ANO3: variants seen among roughly 807,000 people sequenced by gnomAD.
The protein encoded by ANO3 is anoctamin-3.
A neutral mutation model predicts 144.8 loss-of-function variants in ANO3; 99 were observed. The observed-to-expected ratio is 0.68, with a 90% CI of 0.58 to 0.81. ANO3 has a LOEUF of 0.81. Among genes scored for constraint, ANO3 ranks in the 30% least tolerant of loss-of-function variants. The pLI is 0.00. For synonymous variants in ANO3, 414 were observed against 392.6 expected (o/e 1.05, Z -0.64); for missense variants, 905 against 1,202.2 (o/e 0.75, Z 3.66).
chr11:26,438,840 A>C (rs545253393), intron 1 of ANO3, among the ~76,000 whole-genome samples: 54 of 152,104 alleles, frequency 3.6e-4, no homozygotes, highest in South Asian at 1.0e-3. Flanking sequence ...GTTGATCCTT[A>C]AATTTATATA....
At chr11:26,336,326 G>A in intron 1 of ANO3, among the ~76,000 whole-genome samples, 1 of 152,164 alleles carries the variant, frequency 6.6e-6, no homozygotes, top group East Asian at 1.9e-4. Context: ...TGTCCCAAAA[G>A]ACTTTGGCTT....
At chr11:26,407,070 G>GTATATATATATATATATATATA (rs202060948) in intron 1 of ANO3, among the ~76,000 whole-genome samples, 3 of 101,338 alleles carry the variant, frequency 3.0e-5, no homozygotes, top group Admixed American at 1.3e-4. Context: ...GTGTGTGTGT[G>GTATATATATATATATATATATA]TGTGTGTATA....
At chr11:26,568,864 G>A (rs978253865) in intron 14 of ANO3, among the ~76,000 whole-genome samples, 3 of 151,924 alleles carry the variant, frequency 2.0e-5, no homozygotes, top group Admixed American at 2.0e-4. Context: ...CAAACATAAT[G>A]CTCCTTTTCA....
chr11:26,285,109 A>T (rs1040912907), intron 1 of ANO3, among the ~76,000 whole-genome samples: 9 of 145,778 alleles, frequency 6.2e-5, no homozygotes, highest in African/African-American at 2.1e-4. Flanking sequence ...TTTTTTTTTT[A>T]ATTATGGTAA....
intron 14 of ANO3, among the ~76,000 whole-genome samples, chr11:26,567,305 C>T (rs1279733798): frequency 2.6e-5 from 4 of 151,688 alleles, no homozygotes; most frequent in African/African-American, 9.7e-5. Context: ...TGAATTGAAC[C>T]TTATTTTTCA....
chr11:26,415,056 A>ATGTGTGTGTGTG (rs149901742), intron 1 of ANO3, among the ~76,000 whole-genome samples: 47 of 145,568 alleles, frequency 3.2e-4, no homozygotes, highest in South Asian at 2.9e-3. Context: ...ATTGGTGTGT[A>ATGTGTGTGTGTG]TGTGTGTGTG....
chr11:26,493,749 C>A (rs901568028), intron 4 of ANO3, among the ~76,000 whole-genome samples: 1 of 152,128 alleles, frequency 6.6e-6, no homozygotes, highest in Non-Finnish European at 1.5e-5. Flanking sequence ...TCTAACTTGG[C>A]CTTCCTTTCT....
intron 3 of ANO3, among the ~76,000 whole-genome samples, chr11:26,447,459 A>T (rs766838698): frequency 2.0e-5 from 3 of 152,160 alleles, no homozygotes; most frequent in Non-Finnish European, 4.4e-5. Context: ...TCAACCAAGG[A>T]AGGCTTGATC....
chr11:26,339,370 G>T (rs1855290617), intron 1 of ANO3, among the ~76,000 whole-genome samples: 1 of 152,112 alleles, frequency 6.6e-6, no homozygotes, highest in African/African-American at 2.4e-5. Context: ...GGCCAGGCTG[G>T]TCTCAAACTC....
intron 14 of ANO3, chr11:26,566,948 A>C (rs1850612535): frequency 9.4e-7 from 1 of 1,060,304 alleles, no homozygotes; most frequent in African/African-American, 1.6e-5. Flanking sequence ...CCTAAAGTAA[A>C]CACTTAATAG....
chr11:26,332,694 A>G (rs1284201317), intron 1 of ANO3, among the ~76,000 whole-genome samples: 1 of 152,078 alleles, frequency 6.6e-6, no homozygotes, highest in African/African-American at 2.4e-5. Context: ...TGTGGTTCAA[A>G]TGTTGAGTAA....
At chr11:26,424,034 T>C (rs1857840459) in intron 1 of ANO3, among the ~76,000 whole-genome samples, 1 of 152,002 alleles carries the variant, frequency 6.6e-6, no homozygotes, top group South Asian at 2.1e-4. Context: ...ATAAGACATA[T>C]GAATTTGTGG....
chr11:26,334,189 C>G (rs1855134842), intron 1 of ANO3, among the ~76,000 whole-genome samples: 1 of 152,282 alleles, frequency 6.6e-6, no homozygotes, highest in Middle Eastern at 3.4e-3. Context: ...TCTTCCTTTA[C>G]TCTTTGGCAC....
chr11:26,320,456 G>C (rs1053108730), intron 1 of ANO3, among the ~76,000 whole-genome samples: 1 of 152,132 alleles, frequency 6.6e-6, no homozygotes. Flanking sequence ...AAACTACAAA[G>C]ATGTTGTATG....
chr11:26,601,220 G>C (rs1335754444), intron 17 of ANO3, among the ~76,000 whole-genome samples: 1 of 152,126 alleles, frequency 6.6e-6, no homozygotes, highest in Non-Finnish European at 1.5e-5. Context: ...AATAAGGTTG[G>C]TATTATAGAT....
chr11:26,636,888 T>C (rs1199399159), intron 20 of ANO3, among the ~76,000 whole-genome samples: 1 of 152,214 alleles, frequency 6.6e-6, no homozygotes, highest in Non-Finnish European at 1.5e-5. Flanking sequence ...GTCACTTAGC[T>C]TTATCATCTG....
At chr11:26,306,390 G>T (rs372522982), upstream of ANO3, among the ~76,000 whole-genome samples, 67 of 152,206 alleles carry the variant, frequency 4.4e-4, no homozygotes, top group Admixed American at 1.6e-3. Flanking sequence ...GCTCCCGAAT[G>T]CATGGATAGA....
intron 6 of ANO3, among the ~76,000 whole-genome samples, chr11:26,521,871 A>G (rs1042545805): frequency 3.3e-5 from 5 of 152,106 alleles, no homozygotes; most frequent in African/African-American, 1.2e-4. Context: ...AACAAAGCAA[A>G]TTTGGGGCTA....
At chr11:26,358,761 T>A (rs1388786664) in intron 1 of ANO3, among the ~76,000 whole-genome samples, 1 of 152,094 alleles carries the variant, frequency 6.6e-6, no homozygotes, top group Non-Finnish European at 1.5e-5. Flanking sequence ...TTTCCTTCAG[T>A]CCACTCATGC....
Sources: allele counts gnomAD v4.1 joint callset (sites outside exome capture counted in the v4.1 genomes callset), GRCh38; gene constraint gnomAD v4.1.1; transcripts MANE v1.5; gene names NCBI Gene and HGNC (gene_info 2026-07-23, HGNC 2026-07-21).